FCN1: variants seen among roughly 807,000 people sequenced by gnomAD.
FCN1 encodes the protein ficolin-1.
FCN1 carries 42 observed loss-of-function variants against 35.6 expected under a neutral mutation model. That is an observed-to-expected ratio of 1.18 (90% confidence interval 0.92 to 1.53). FCN1 has a LOEUF of 1.53. FCN1 is among the 40% of genes most tolerant of loss of function. FCN1 has a pLI of 0.00. For missense variants in FCN1, 439 were observed against 428.4 expected (o/e 1.02, Z -0.22); for synonymous variants, 179 against 169.8 (o/e 1.05, Z -0.42).
intron 2 of FCN1, 151 bp downstream of exon 2, chr9:134,916,197 C>G: frequency 1.5e-6 from 1 of 683,386 alleles, no homozygotes; most frequent in African/African-American, 1.8e-5. Flanking sequence ...CCCTGGGAGT[C>G]AGCTCTGTTC....
Position 134,903,768 on chromosome 9 carries a change from T to A in FCN1, c.*6030A>T, listed in dbSNP as rs1830911657. 6.6e-6 allele frequency among the ~76,000 whole-genome samples: 1 copy of A among 152,118 alleles called. No homozygotes were observed. Among genetic ancestry groups the A allele is most frequent in the Non-Finnish European group, 1.5e-5 (1 of 68,030 alleles). On this transcript the variant is annotated 3_prime_UTR_variant, in exon 9 of 9. Coordinates refer to ENST00000371806, the MANE Select transcript of FCN1 (RefSeq NM_002003.5). ...AAATGTCTTTAAAAACGACTCTGACTGGTGTGTTGAAGAAAATGGAAGATG... is the reference window on the plus strand; with the variant it reads ...AAATGTCTTTAAAAACGACTCTGACAGGTGTGTTGAAGAAAATGGAAGATG...
intron 7 of FCN1, among the ~76,000 whole-genome samples, chr9:134,911,511 CTT>C (rs34347752): frequency 1.3e-3 from 189 of 144,230 alleles, no homozygotes; most frequent in Middle Eastern, 3.6e-3. Context: ...CACACAGCTA[CTT>C]TTTTTTTTTT....
At chr9:134,914,905 C>A (rs370413383) in intron 2 of FCN1, 96 bp from the exon 3 acceptor site, 9 of 916,198 alleles carry the variant, frequency 9.8e-6, no homozygotes, top group Non-Finnish European at 1.6e-5. Context: ...GACCCTCCCC[C>A]ACTCTGCCTT....
At chr9:134,914,559 C>A (rs1351581395) in intron 3 of FCN1, 139 bp from the exon 4 acceptor site, 2 of 997,956 alleles carry the variant, frequency 2.0e-6, no homozygotes, top group Non-Finnish European at 3.1e-6. Flanking sequence ...ACGCCCAGGT[C>A]TCAATGGTGG....
At position 134,916,400 on chromosome 9, in the gene FCN1, C is replaced by G; in HGVS notation, c.165G>C (p.Gly55=). 1 of 1,614,210 alleles carries G rather than the reference C, an allele frequency of 6.2e-7. No individual in the cohort carries two copies. The highest frequency in any genetic ancestry group is 8.5e-7 in the Non-Finnish European group (1 of 1,180,044). The stretch of plus-strand genomic sequence containing the variant: ...CCTTTGGCCCTGGGGCCCCGGGCAG[C>G]CCCGGGCAGCCTCGGAGAATGGTGA... The part of the protein sequence containing the change: ...DKLTILRGCP[G]LPGAPGPKGE... The change falls in exon 2 of 9, where the codon GGG becomes GGC. Residue 55 remains glycine, a synonymous_variant. Coordinates refer to ENST00000371806, the MANE Select transcript of FCN1 (RefSeq NM_002003.5).
chr9:134,909,733 A>AGCTGCGG lies in FCN1; in HGVS notation c.*64_*65insCCGCAGC, dbSNP rs1344769039. 6.2e-7 allele frequency: 1 copy of AGCTGCGG among 1,600,260 alleles called. No individual in the cohort carries two copies. Among genetic ancestry groups the AGCTGCGG allele is most frequent in the Non-Finnish European group, 8.5e-7 (1 of 1,178,134 alleles). On this transcript the variant is annotated 3_prime_UTR_variant, in exon 9 of 9. Coordinates refer to ENST00000371806, the MANE Select transcript of FCN1 (RefSeq NM_002003.5). Reference sequence around the variant, plus strand: ...TGGCTGGGGAAATGGGGTGACTTCCACGACGCAGCGCTTGTGGGTGTGGCC... The same window carrying AGCTGCGG: ...TGGCTGGGGAAATGGGGTGACTTCCAGCTGCGGCGACGCAGCGCTTGTGGGTGTGGCC...
intron 1 of FCN1, 35 bp from the exon 2 acceptor site, chr9:134,916,496 GC>G: frequency 6.3e-7 from 1 of 1,588,994 alleles, no homozygotes; most frequent in Non-Finnish European, 8.6e-7. Context: ...TCAGTGCCTG[GC>G]CCAACAGTGG....
rs3012786 is a variant in FCN1, at chr9:134,908,544, A to G, written c.*1254T>C. ...CAGGTAGGCCTAGTCTAATCCCATG[A>G]GTCTCAGGAGTGGAGACCCTGTCCC... On this transcript the variant is annotated 3_prime_UTR_variant, in exon 9 of 9. Transcript: ENST00000371806. 88,680 of 152,566 alleles carry G rather than the reference A, an allele frequency of 0.58. 26,082 individuals carry two copies. The highest frequency in any genetic ancestry group is 0.63 in the Non-Finnish European group (42,833 of 68,446). The allele number at this position is 152,566 out of a possible 1,614,324, so 9.5% of individuals were successfully genotyped here. A position where few individuals can be genotyped will look rare whatever the true frequency, so the allele number is the denominator to read the frequency against.
At position 134,905,143 on chromosome 9, in the gene FCN1, G is replaced by A. The variant is rs1044075904; in HGVS notation, c.*4655C>T. Among the ~76,000 whole-genome samples the A allele has an allele frequency of 6.6e-5, 10 of 152,152 alleles. No individual in the cohort carries two copies. The highest frequency in any genetic ancestry group is 1.9e-4 in the African/African-American group (8 of 41,434). On this transcript the variant is annotated 3_prime_UTR_variant, in exon 9 of 9. Transcript: ENST00000371806. ...CGCAAGCATAAACACCAAAAGATAGGAAAAGAATGAACAAGTTATAAGCTG... is the reference window on the plus strand; with the variant it reads ...CGCAAGCATAAACACCAAAAGATAGAAAAAGAATGAACAAGTTATAAGCTG...
intron 2 of FCN1, 42 bp from the exon 3 acceptor site, chr9:134,914,851 A>C (rs375473078): frequency 5.3e-6 from 8 of 1,508,040 alleles, no homozygotes; most frequent in Middle Eastern, 3.4e-4. Context: ...AATGCAACCT[A>C]AACAATTCTC....
chr9:134,915,719 G>A (rs1831084249), intron 2 of FCN1, among the ~76,000 whole-genome samples: 1 of 152,202 alleles, frequency 6.6e-6, no homozygotes, highest in South Asian at 2.1e-4. Context: ...GTCCAGGCAT[G>A]GGGAGCTCAC....
intron 2 of FCN1, among the ~76,000 whole-genome samples, chr9:134,915,970 T>C (rs939168597): frequency 5.5e-4 from 84 of 152,230 alleles, no homozygotes; most frequent in African/African-American, 1.9e-3. Context: ...CCTCTTTGAG[T>C]CTCAGTTTTC....
chr9:134,912,609 G>A lies in FCN1; in HGVS notation c.475C>T (p.Gln159Ter), dbSNP rs1050021073. The stretch of plus-strand genomic sequence containing the variant: ...TCCACAGAGCCATCCATCCTCCGCT[G>A]GAAAACCTGTGAAGAAGCCAGGATA... Reference protein sequence around the residue: ...DTDGGGWTVFQRRMDGSVDFY... With the variant: ...DTDGGGWTVF Residue 159 changes from glutamine (Q) to a stop codon, truncating the protein, a stop_gained, in exon 7 of 9, where the codon CAG becomes TAG. Coordinates refer to ENST00000371806, the MANE Select transcript of FCN1 (RefSeq NM_002003.5). LOFTEE classifies it high-confidence loss of function. 1.9e-6 allele frequency: 3 copies of A among 1,614,134 alleles called. No homozygotes were observed. Among genetic ancestry groups the A allele is most frequent in the Non-Finnish European group, 2.5e-6 (3 of 1,179,996 alleles).
chr9:134,911,325 A>C, intron 7 of FCN1, 58 bp from the exon 8 acceptor site: 1 of 1,374,638 alleles, frequency 7.3e-7, no homozygotes, highest in Non-Finnish European at 1.0e-6. Context: ...ACCAGGCATG[A>C]GGGCTGGGGA....
At chr9:134,914,985 G>A (rs1205364442) in intron 2 of FCN1, among the ~76,000 whole-genome samples, 176 bp from the exon 3 acceptor site, 1 of 152,108 alleles carries the variant, frequency 6.6e-6, no homozygotes, top group Non-Finnish European at 1.5e-5. Context: ...GACTGCAGAT[G>A]GAGGTGAGGG....
chr9:134,911,144 C>G lies in FCN1; in HGVS notation c.722G>C (p.Gly241Ala). The G allele has an allele frequency of 6.2e-7, 1 of 1,614,152 alleles. No homozygotes were observed. The highest frequency in any genetic ancestry group is 8.5e-7 in the Non-Finnish European group (1 of 1,180,020). ...KYKLVLGAFV[G>A]GSAGNSLTGH... ...AAGCAGACACTCACCCGCACTGCCC[C>G]CGACAAAGGCTCCCAGTACCAGCTT... Residue 241 changes from glycine to alanine, a missense_variant, in exon 8 of 9, where the codon GGG (glycine) becomes GCG (alanine). Transcript: ENST00000371806.
Position 134,917,877 on chromosome 9 carries a change from C to T in FCN1, c.-6G>A. On this transcript the variant is annotated 5_prime_UTR_variant, in exon 1 of 9. Transcript: ENST00000371806. ...GTGGCTCCACTCAGCTCCATGCTCT[C>T]TGGCCTTTGACTCTGAAGAGTCCCC... 1 of 1,606,194 alleles carries T rather than the reference C, an allele frequency of 6.2e-7. No individual in the cohort carries two copies. Among genetic ancestry groups the T allele is most frequent in the African/African-American group, 1.3e-5 (1 of 74,872 alleles).
chr9:134,912,663 C>A, intron 6 of FCN1, 48 bp from the exon 7 acceptor site: 1 of 1,613,208 alleles, frequency 6.2e-7, no homozygotes, highest in East Asian at 2.2e-5. Flanking sequence ...GCCGAGGTCC[C>A]ACAGCACCGG....
At position 134,909,303 on chromosome 9, in the gene FCN1, A is replaced by C; in HGVS notation, c.*495T>G. 4 of 1,289,528 alleles carry C rather than the reference A, an allele frequency of 3.1e-6. No homozygotes were observed. The highest frequency in any genetic ancestry group is 4.0e-6 in the Non-Finnish European group (4 of 988,842). 79.9% of individuals were successfully genotyped at this position (1,289,528 alleles called of 1,614,324 possible). ...TTTAGTAAGTGTTTTCTGGACCCCA[A>C]AGTGACCTTTTTCAAGAAGTGTGAA... On this transcript the variant is annotated 3_prime_UTR_variant, in exon 9 of 9. Coordinates refer to ENST00000371806, the MANE Select transcript of FCN1 (RefSeq NM_002003.5).
Sources: allele counts gnomAD v4.1 joint callset (sites outside exome capture counted in the v4.1 genomes callset), GRCh38; gene constraint gnomAD v4.1.1; transcripts MANE v1.5; gene names NCBI Gene and HGNC (gene_info 2026-07-23, HGNC 2026-07-21).